Variants in RIOK2 observed in about 807,000 individuals in gnomAD.
The protein encoded by RIOK2 is RIO kinase 2, also known as serine/threonine-protein kinase RIO2.
Under a neutral mutation model 62.4 loss-of-function variants are expected in RIOK2, and 46 were observed. The observed-to-expected ratio is 0.74, with a 90% CI of 0.58 to 0.94. The LOEUF is 0.94. RIOK2 is among the 40% of genes least tolerant of loss of function. The probability of loss-of-function intolerance (pLI) is 0.00; values close to 1 mark genes in which losing one functional copy is unlikely to be tolerated. For missense variants in RIOK2, 574 were observed against 658.0 expected (o/e 0.87, Z 1.40); for synonymous variants, 197 against 216.0 (o/e 0.91, Z 0.77).
chr5:97,175,012 C>T (rs1322356723), intron 4 of RIOK2, among the ~76,000 whole-genome samples: 2 of 151,964 alleles, frequency 1.3e-5, no homozygotes, highest in Non-Finnish European at 2.9e-5. Flanking sequence ...GAGCCGTGAT[C>T]GTGCCACTGC....
At chr5:97,164,932 A>C (rs1397925108) in intron 9 of RIOK2, 119 bp downstream of exon 9, 1 of 506,678 alleles carries the variant, frequency 2.0e-6, no homozygotes, top group Non-Finnish European at 3.4e-6. Context: ...AAGACAAGTC[A>C]AAAAGCAATC....
In RIOK2 at chr5:97,161,577, T is replaced by C. The variant is rs1748701272; in HGVS notation, c.*1484A>G. On this transcript the variant is annotated 3_prime_UTR_variant, in exon 10 of 10. Coordinates refer to ENST00000283109, the MANE Select transcript of RIOK2 (RefSeq NM_018343.3). ...AGGCCTCCATTTCTGATTGGAATAA[T>C]TAATTCCTTGGCCCACAAGAAATCT... 1 of 152,200 alleles carries C rather than the reference T, an allele frequency of 6.6e-6. No homozygotes were observed. Among genetic ancestry groups the C allele is most frequent in the Non-Finnish European group, 1.5e-5 (1 of 68,022 alleles). 9.4% of individuals were successfully genotyped at this position (152,200 alleles called of 1,614,324 possible). A position where few individuals can be genotyped will look rare whatever the true frequency, so the allele number is the denominator to read the frequency against.
rs1748886900 is a variant in RIOK2, at chr5:97,167,738, T to C, written c.1126A>G (p.Ile376Val). 6.2e-7 allele frequency: 1 copy of C among 1,614,086 alleles called. No homozygotes were observed. Among genetic ancestry groups the C allele is most frequent in the Non-Finnish European group, 8.5e-7 (1 of 1,180,024 alleles). Residue 376 changes from isoleucine to valine, a missense_variant, in exon 8 of 10, where the codon ATA becomes GTA. Coordinates refer to ENST00000283109, the MANE Select transcript of RIOK2 (RefSeq NM_018343.3). ...YCRSSGDPEQ[I>V]KEDSLSEESA... ...TCTTCTGATAAACTGTCTTCCTTTA[T>C]TTGTTCAGGGTCTCCAGATGATCTG...
chr5:97,163,583 T>G (rs920015227), intron 9 of RIOK2, among the ~76,000 whole-genome samples: 2 of 152,208 alleles, frequency 1.3e-5, no homozygotes, highest in African/African-American at 4.8e-5. Context: ...GCATTCAGTA[T>G]TGCTGAATAT....
intron 5 of RIOK2, among the ~76,000 whole-genome samples, chr5:97,172,458 G>C (rs1384258300): frequency 6.6e-6 from 1 of 152,174 alleles, no homozygotes. Flanking sequence ...TCAACCTGCA[G>C]AACACATTCA....
intron 6 of RIOK2, among the ~76,000 whole-genome samples, chr5:97,170,446 C>G (rs1364845158): frequency 2.0e-5 from 3 of 152,156 alleles, no homozygotes; most frequent in African/African-American, 7.2e-5. Context: ...TCCAAAACCA[C>G]AACTTTTATT....
intron 8 of RIOK2, among the ~76,000 whole-genome samples, chr5:97,165,616 C>T (rs902703763): frequency 1.3e-5 from 2 of 152,176 alleles, no homozygotes; most frequent in African/African-American, 4.8e-5. Flanking sequence ...TTTCACATGG[C>T]TCAAAGTTTC....
In RIOK2 at chr5:97,165,140, CT is replaced by C; in HGVS notation, c.1404del (p.Glu469LysfsTer6). ...TACTGATTCATAGCTCCCACATTTT[CT>C]TCATCTCTAAAATTAAAAAACCCAC... ...LNREFRPFRD[E>X]ENVGAMNQYR... On this transcript the variant is annotated frameshift_variant, in exon 9 of 10. Coordinates refer to ENST00000283109, the MANE Select transcript of RIOK2 (RefSeq NM_018343.3). LOFTEE classifies it high-confidence loss of function. 1 of 1,435,568 alleles carries C rather than the reference CT, an allele frequency of 7.0e-7. No homozygotes were observed. The highest frequency in any genetic ancestry group is 9.2e-7 in the Non-Finnish European group (1 of 1,083,100). 88.9% of individuals were successfully genotyped at this position (1,435,568 alleles called of 1,614,324 possible).
chr5:97,178,860 T>C (rs1424008251), intron 2 of RIOK2, 195 bp downstream of exon 2: 2 of 656,244 alleles, frequency 3.0e-6, no homozygotes, highest in Admixed American at 2.9e-5. Context: ...TTACTACTAT[T>C]CTTTTTTCAC....
intron 5 of RIOK2, among the ~76,000 whole-genome samples, chr5:97,171,792 C>G (rs1749017160): frequency 1.3e-5 from 2 of 152,096 alleles, no homozygotes; most frequent in Non-Finnish European, 2.9e-5. Flanking sequence ...ATATTCTAAA[C>G]AAACACACCC....
chr5:97,171,773 A>T (rs1204684272), intron 5 of RIOK2, among the ~76,000 whole-genome samples: 3 of 152,218 alleles, frequency 2.0e-5, no homozygotes, highest in Admixed American at 2.0e-4. Flanking sequence ...AAATTATGAA[A>T]AAATGATTAT....
chr5:97,171,315 G>T lies in RIOK2; in HGVS notation c.670C>A (p.Leu224Met). The T allele has an allele frequency of 6.2e-7, 1 of 1,608,946 alleles. No individual in the cohort carries two copies. Among genetic ancestry groups the T allele is most frequent in the Non-Finnish European group, 8.5e-7 (1 of 1,177,612 alleles). The change falls in exon 6 of 10, where the codon CTG becomes ATG. Residue 224 changes from leucine (L) to methionine (M), a missense_variant. Leu to Met is a conservative substitution (Grantham distance 15, BLOSUM62 2). Coordinates refer to ENST00000283109, the MANE Select transcript of RIOK2 (RefSeq NM_018343.3). ...AATTCATTAAAATCTCCATGAATCA[G>T]CCCATGATTTGCAAGTTTGACAATT... ...ELIVKLANHG[L>M]IHGDFNEFNL...
Position 97,161,814 on chromosome 5 carries a change from A to G in RIOK2, c.*1247T>C, listed in dbSNP as rs1196197008. ...TCTATTAAGCTGTTTTCAACTTTAC[A>G]TTATAAAAATGCTTAAAAGTTGAGA... is the stretch of plus-strand genomic sequence containing the variant. On this transcript the variant is annotated 3_prime_UTR_variant, in exon 10 of 10. Coordinates refer to ENST00000283109, the MANE Select transcript of RIOK2 (RefSeq NM_018343.3). 1 of 152,214 alleles carries G rather than the reference A, an allele frequency of 6.6e-6. No homozygotes were observed. Among genetic ancestry groups the G allele is most frequent in the African/African-American group, 2.4e-5 (1 of 41,462 alleles). 9.4% of individuals were successfully genotyped at this position (152,214 alleles called of 1,614,324 possible). A position where few individuals can be genotyped will look rare whatever the true frequency, so the allele number is the denominator to read the frequency against.
chr5:97,174,046 C>T (rs1749091614), intron 4 of RIOK2, among the ~76,000 whole-genome samples: 1 of 152,224 alleles, frequency 6.6e-6, no homozygotes, highest in Admixed American at 6.5e-5. Flanking sequence ...CACAAGTGTT[C>T]TAGCTCTTGC....
Position 97,167,973 on chromosome 5 carries a change from A to G in RIOK2, c.891T>C (p.Asp297=). 1 of 1,599,168 alleles carries G rather than the reference A, an allele frequency of 6.3e-7. No individual in the cohort carries two copies. Among genetic ancestry groups the G allele is most frequent in the South Asian group, 1.1e-5 (1 of 90,598 alleles). The stretch of plus-strand genomic sequence containing the variant: ...TGTAGCCACTGGCAGAAACCTCCAC[A>G]TCAAGAGTGTCTTCTCTCCTAGAAA... The part of the protein sequence containing the change: ...FKDIRREDTL[D]VEVSASGYTK... Residue 297 remains aspartate (D), a synonymous_variant, in exon 8 of 10, where the codon GAT becomes GAC. Coordinates refer to ENST00000283109, the MANE Select transcript of RIOK2 (RefSeq NM_018343.3).
At chr5:97,180,927 T>G in intron 1 of RIOK2, among the ~76,000 whole-genome samples, 1 of 149,464 alleles carries the variant, frequency 6.7e-6, no homozygotes, top group African/African-American at 2.5e-5. Context: ...AGAAAGGGGG[T>G]AGAAAAAAAT....
At chr5:97,175,948 G>A (rs1264799404) in intron 4 of RIOK2, 1 of 150,564 alleles carries the variant, frequency 6.6e-6, no homozygotes, top group Admixed American at 6.6e-5. Context: ...TTTTTTTAAT[G>A]TCAGGGGACA....
intron 1 of RIOK2, among the ~76,000 whole-genome samples, chr5:97,179,962 TTTA>T (rs1749291847): frequency 1.0e-4 from 2 of 19,272 alleles, no homozygotes; most frequent in Non-Finnish European, 1.3e-4. Context: ...TTAAAAGTAT[TTTA>T]TATATATATA....
rs1748870957 is a variant in RIOK2 at position 97,167,380 on chromosome 5, C to T, written c.1397+87G>A. ...GTGGCAGAATACAATTTTGTCACAT[C>T]ATTTGAAAAAAACATTCTTTTACTA... On this transcript the variant is annotated intron_variant, in intron 8 of 9. Coordinates refer to ENST00000283109, the MANE Select transcript of RIOK2 (RefSeq NM_018343.3). 5.9e-6 allele frequency: 9 copies of T among 1,526,056 alleles called. No homozygotes were observed. In the South Asian group the frequency reaches 1.2e-4, roughly 20 times the overall value. 94.5% of individuals were successfully genotyped at this position (1,526,056 alleles called of 1,614,324 possible). A position where few individuals can be genotyped will look rare whatever the true frequency, so the allele number is the denominator to read the frequency against.
Sources: gnomAD v4.1 joint callset for allele counts (sites outside exome capture counted in the v4.1 genomes callset) on GRCh38, gnomAD v4.1.1 for gene constraint, MANE v1.5 for transcripts, NCBI Gene and HGNC (gene_info 2026-07-23, HGNC 2026-07-21) for gene names.